The following THBS4 variants were observed in gnomAD, a reference collection of about 807,000 sequenced individuals.
THBS4 encodes thrombospondin-4.
Under a neutral mutation model 115.7 loss-of-function variants are expected in THBS4, and 90 were observed. The ratio of observed to expected loss-of-function variants is 0.78; its 90% CI spans 0.66 to 0.93. The LOEUF is 0.93. THBS4 is among the 40% of genes least tolerant of loss of function. THBS4 has a pLI of 0.00. For missense variants in THBS4, 1,087 were observed against 1,232.7 expected (o/e 0.88, Z 1.77); for synonymous variants, 460 against 479.3 (o/e 0.96, Z 0.53).
intron 1 of THBS4, among the ~76,000 whole-genome samples, chr5:79,993,041 G>A (rs1459865796): frequency 6.6e-6 from 1 of 152,208 alleles, no homozygotes; most frequent in Non-Finnish European, 1.5e-5. Flanking sequence ...AAAGAATGTG[G>A]ATTTCCTGAG....
intron 2 of THBS4, among the ~76,000 whole-genome samples, chr5:80,007,423 G>T (rs751466551): frequency 6.6e-6 from 1 of 152,236 alleles, no homozygotes; most frequent in African/African-American, 2.4e-5. Context: ...CAGCACAGTG[G>T]TGCTTTGTGC....
Position 80,070,379 on chromosome 5 carries a change from A to G in THBS4, c.1421A>G (p.Glu474Gly), listed in dbSNP as rs753961270. 1 of 1,613,938 alleles carries G rather than the reference A, an allele frequency of 6.2e-7. No individual in the cohort carries two copies. The highest frequency in any genetic ancestry group is 1.1e-5 in the South Asian group (1 of 91,036). The change falls in exon 11 of 22, where the codon GAA becomes GGA. Residue 474 changes from glutamate to glycine, a missense_variant. Glu to Gly is a moderately conservative substitution (Grantham distance 98, BLOSUM62 -2). Transcript: ENST00000350881. ...DVDIDSYPDE[E>G]LPCSARNCKK... ...GACATCGACAGTTACCCCGACGAAG[A>G]ACTGCCATGCTCTGCCAGGAACTGT...
chr5:80,046,197 A>G lies in THBS4; in HGVS notation c.292+5917A>G, dbSNP rs17879871. ...TGGCTCTTTTGTTTCTGTCTTACCC[A>G]TCAAGGGGAGTGTTCTTCAAATTGT... On this transcript the variant is annotated intron_variant, in intron 2 of 21. Transcript: ENST00000350881. 3.0e-3 allele frequency among the ~76,000 whole-genome samples: 459 copies of G among 152,344 alleles called. 5 individuals carry two copies. The highest frequency in any genetic ancestry group is 0.01 in the African/African-American group (430 of 41,580).
rs190272178 is a variant in THBS4, at chr5:80,001,742, G to A, written n.177+3315G>A. 4.6e-5 allele frequency among the ~76,000 whole-genome samples: 7 copies of A among 152,240 alleles called. No homozygotes were observed. In the South Asian group the frequency reaches 8.3e-4, roughly 18 times the overall value. ...AACATTTCAGGAGGGTAAAGTGAGC[G>A]GTAGATAATGATGAGAAATAAGACT... On this transcript the variant is annotated intron_variant and non_coding_transcript_variant, in intron 2 of 3. Transcript: ENST00000510218.
At chr5:80,060,074 T>C (rs1348298022) in intron 7 of THBS4, among the ~76,000 whole-genome samples, 169 bp downstream of exon 7, 1 of 152,214 alleles carries the variant, frequency 6.6e-6, no homozygotes, top group Non-Finnish European at 1.5e-5. Context: ...GAAGGAGACA[T>C]GACCCAAGGT....
At chr5:80,023,286 T>C (rs1174657849) in intron 2 of THBS4, among the ~76,000 whole-genome samples, 1 of 152,214 alleles carries the variant, frequency 6.6e-6, no homozygotes, top group Admixed American at 6.5e-5. Flanking sequence ...TACCTGCATA[T>C]ACACATGTGA....
intron 20 of THBS4, 174 bp from the exon 21 acceptor site, chr5:80,082,232 C>T (rs1177107765): frequency 2.6e-5 from 20 of 769,964 alleles, no homozygotes; most frequent in Non-Finnish European, 4.1e-5. Flanking sequence ...GACTTCCAGT[C>T]TAGTAAGTAA....
chr5:80,000,873 A>G (rs1019645891), intron 2 of THBS4, among the ~76,000 whole-genome samples: 1 of 152,166 alleles, frequency 6.6e-6, no homozygotes, highest in East Asian at 1.9e-4. Flanking sequence ...TCCTGAGGCC[A>G]AAGAAAACAT....
At chr5:80,040,351 C>A (rs1832859226) in intron 2 of THBS4, 71 bp downstream of exon 2, 22 of 1,204,006 alleles carry the variant, frequency 1.8e-5, no homozygotes, top group Non-Finnish European at 2.5e-5. Context: ...GGTATACTGT[C>A]TTTGAGATGG....
intron 2 of THBS4, among the ~76,000 whole-genome samples, chr5:80,050,631 C>T (rs1833225601): frequency 1.3e-5 from 2 of 152,210 alleles, no homozygotes; most frequent in Admixed American, 1.3e-4. Context: ...GACCTCTAAA[C>T]TGTAATTTCT....
At chr5:79,995,992 C>G (rs1039511519) in intron 1 of THBS4, among the ~76,000 whole-genome samples, 6 of 149,360 alleles carry the variant, frequency 4.0e-5, no homozygotes, top group Non-Finnish European at 8.9e-5. Flanking sequence ...AAAAAATTAG[C>G]TGGATGTGGT....
intron 2 of THBS4, among the ~76,000 whole-genome samples, chr5:80,051,947 C>G (rs1296327232): frequency 6.6e-6 from 1 of 152,100 alleles, no homozygotes; most frequent in African/African-American, 2.4e-5. Flanking sequence ...GAAGAAAAAT[C>G]AAGAGTTTTT....
At chr5:80,080,409 G>T (rs938517279) in intron 20 of THBS4, among the ~76,000 whole-genome samples, 2 of 151,862 alleles carry the variant, frequency 1.3e-5, no homozygotes, top group African/African-American at 4.8e-5. Context: ...ATGCCAATCG[G>T]TATGAGGTAA....
chr5:80,078,751 C>A lies in THBS4; in HGVS notation c.2266-170C>A, dbSNP rs190643604. The A allele has an allele frequency of 3.2e-5, 18 of 562,668 alleles. No individual in the cohort carries two copies. The East Asian group carries it at 4.9e-4, about 15-fold the overall frequency. The allele number at this position is 562,668 out of a possible 1,614,324, so 34.9% of individuals were successfully genotyped here. On this transcript the variant is annotated intron_variant, in intron 17 of 21. Coordinates refer to ENST00000350881, the MANE Select transcript of THBS4 (RefSeq NM_003248.6). ...TTTTTTTAACCTTTACAAGCACATG[C>A]TTTCTTTGAGCACATAACACAATAG...
intron 1 of THBS4, among the ~76,000 whole-genome samples, chr5:79,998,145 A>ATTTG (rs1831831828): frequency 6.6e-6 from 1 of 152,190 alleles, no homozygotes. Flanking sequence ...TATGGTTTGG[A>ATTTG]TTTGTGTCCC....
At chr5:80,009,830 T>TA (rs34387198) in intron 2 of THBS4, among the ~76,000 whole-genome samples, 1 of 152,170 alleles carries the variant, frequency 6.6e-6, no homozygotes, top group Non-Finnish European at 1.5e-5. Flanking sequence ...TATTGTTTTT[T>TA]AAAAAAAGTT....
At chr5:80,032,452 T>C (rs922263450), upstream of THBS4, among the ~76,000 whole-genome samples, 4 of 152,172 alleles carry the variant, frequency 2.6e-5, no homozygotes, top group African/African-American at 9.7e-5. Context: ...AAGGGGAGTT[T>C]ATTAAGGAGT....
chr5:80,075,676 T>C (rs1743171832), intron 15 of THBS4, among the ~76,000 whole-genome samples: 1 of 152,262 alleles, frequency 6.6e-6, no homozygotes, highest in South Asian at 2.1e-4. Flanking sequence ...TGCTATGTTT[T>C]AATTCCCACA....
chr5:80,005,762 ATTTTTTTTTTT>A (rs567389394), intron 2 of THBS4, among the ~76,000 whole-genome samples: 1 of 119,872 alleles, frequency 8.3e-6, no homozygotes, highest in Non-Finnish European at 1.7e-5. Context: ...TGTTTGTGGC[ATTTTTTTTTTT>A]TTTTTTTTTT....
Sources: gnomAD v4.1 joint callset for allele counts (sites outside exome capture counted in the v4.1 genomes callset) on GRCh38, gnomAD v4.1.1 for gene constraint, MANE v1.5 for transcripts, NCBI Gene and HGNC (gene_info 2026-07-23, HGNC 2026-07-21) for gene names.